Variants in RRAS2 observed in about 807,000 individuals in gnomAD.
RRAS2 encodes the protein RAS related 2, also known as ras-related protein R-Ras2.
In RRAS2, 7 loss-of-function variants were observed where a neutral mutation model predicts 27.6. That is an observed-to-expected ratio of 0.25 (90% CI 0.14 to 0.48). The LOEUF is 0.48. Among genes scored for constraint, RRAS2 ranks in the 20% least tolerant of loss-of-function variants. The pLI is 0.99. For synonymous variants in RRAS2, 86 were observed against 90.9 expected, an observed-to-expected ratio of 0.95 and a Z score of 0.31; for missense variants, 178 against 256.2, an observed-to-expected ratio of 0.69 and a Z score of 2.08.
intron 1 of RRAS2, among the ~76,000 whole-genome samples, chr11:14,352,641 T>C (rs1848979920): frequency 8.9e-6 from 1 of 112,756 alleles, no homozygotes; most frequent in Admixed American, 1.1e-4. Flanking sequence ...ATTAATATCC[T>C]AAAGACCATT....
At chr11:14,304,990 T>C (rs1169448796) in intron 1 of RRAS2, among the ~76,000 whole-genome samples, 1 of 152,208 alleles carries the variant, frequency 6.6e-6, no homozygotes, top group East Asian at 1.9e-4. Context: ...CAATTATATA[T>C]GTCTATAATT....
At chr11:14,325,501 T>G (rs1366530031) in intron 1 of RRAS2, among the ~76,000 whole-genome samples, 2 of 152,102 alleles carry the variant, frequency 1.3e-5, no homozygotes, top group South Asian at 2.1e-4. Flanking sequence ...GGGTTTCACC[T>G]TGTTAGCCAG....
chr11:14,290,763 G>A (rs1849790005), intron 4 of RRAS2, among the ~76,000 whole-genome samples: 1 of 152,190 alleles, frequency 6.6e-6, no homozygotes. Flanking sequence ...AATGCCTGAT[G>A]TCTGTAGAAT....
chr11:14,356,732 T>C (rs782160263), intron 1 of RRAS2: 32 of 453,488 alleles, frequency 7.1e-5, no homozygotes, highest in Middle Eastern at 3.3e-4. Context: ...CCAGGTACTA[T>C]ACTATTCACA....
At chr11:14,335,930 T>C (rs1337108535) in intron 1 of RRAS2, among the ~76,000 whole-genome samples, 1 of 152,120 alleles carries the variant, frequency 6.6e-6, no homozygotes, top group Non-Finnish European at 1.5e-5. Context: ...TGACAGCTGC[T>C]CTACTCCCAA....
chr11:14,334,296 T>C (rs1848546285), intron 1 of RRAS2, among the ~76,000 whole-genome samples: 1 of 152,212 alleles, frequency 6.6e-6, no homozygotes, highest in South Asian at 2.1e-4. Context: ...CTGGTTTTTT[T>C]TTCCTATTCA....
intron 1 of RRAS2, among the ~76,000 whole-genome samples, chr11:14,352,102 C>T (rs769705281): frequency 3.9e-5 from 6 of 152,072 alleles, no homozygotes; most frequent in Non-Finnish European, 7.4e-5. Flanking sequence ...CATCGGATGT[C>T]TTTTTAACAC....
intron 1 of RRAS2, chr11:14,356,837 T>C (rs2134045750): frequency 2.3e-6 from 1 of 427,510 alleles, no homozygotes; most frequent in East Asian, 7.1e-5. Flanking sequence ...AGTCTCGCTC[T>C]GTTGCCCAGG....
intron 4 of RRAS2, among the ~76,000 whole-genome samples, chr11:14,287,196 G>T (rs1342920949): frequency 6.6e-6 from 1 of 152,112 alleles, no homozygotes; most frequent in Non-Finnish European, 1.5e-5. Flanking sequence ...TTTTCGTTGT[G>T]TTTTCTTATT....
At chr11:14,291,963 A>G (rs1554945848) in intron 4 of RRAS2, among the ~76,000 whole-genome samples, 1 of 152,204 alleles carries the variant, frequency 6.6e-6, no homozygotes, top group East Asian at 1.9e-4. Flanking sequence ...CTTTTTATAT[A>G]CACTTTACAC....
At chr11:14,344,479 AAATTT>A (rs1321572031) in intron 1 of RRAS2, among the ~76,000 whole-genome samples, 1 of 152,232 alleles carries the variant, frequency 6.6e-6, no homozygotes, top group African/African-American at 2.4e-5. Flanking sequence ...ACAAAATTAC[AAATTT>A]AATAGCCACA....
At chr11:14,311,489 C>A (rs1371816456) in intron 1 of RRAS2, among the ~76,000 whole-genome samples, 1 of 151,742 alleles carries the variant, frequency 6.6e-6, no homozygotes, top group Non-Finnish European at 1.5e-5. Flanking sequence ...GCCTCAGCCT[C>A]CCAAGTAGCT....
intron 1 of RRAS2, among the ~76,000 whole-genome samples, chr11:14,324,175 T>C (rs2134000842): frequency 6.6e-6 from 1 of 152,022 alleles, no homozygotes; most frequent in Admixed American, 6.5e-5. Flanking sequence ...GGAAACAATA[T>C]ACATAATAAT....
chr11:14,336,029 C>T (rs1352867102), intron 1 of RRAS2, among the ~76,000 whole-genome samples: 1 of 152,214 alleles, frequency 6.6e-6, no homozygotes, highest in African/African-American at 2.4e-5. Flanking sequence ...TAAAGGGGCA[C>T]CCCAACACCC....
intron 1 of RRAS2, among the ~76,000 whole-genome samples, chr11:14,352,992 T>C (rs1591491836): frequency 6.6e-6 from 1 of 151,646 alleles, no homozygotes; most frequent in Non-Finnish European, 1.5e-5. Context: ...AGAGACAGGG[T>C]TTCACCATGT....
rs1849125581 is a variant in RRAS2 at position 14,358,316 on chromosome 11, C to T, written c.108+447G>A. ...GAAGCCCGGAGACCACGCGGAGCCG[C>T]GGCCAAGTTGCCACCGCTATCGCCC... On this transcript the variant is annotated intron_variant, in intron 1 of 5. Coordinates refer to ENST00000256196, the MANE Select transcript of RRAS2 (RefSeq NM_012250.6). This position sits in a 1 kb window ranked among gnomAD's most constrained non-coding sequence, Gnocchi z 5.1. 2.0e-6 allele frequency: 2 copies of T among 985,384 alleles called. No homozygotes were observed. The highest frequency in any genetic ancestry group is 2.4e-6 in the Non-Finnish European group (2 of 830,004). The allele number at this position is 985,384 out of a possible 1,614,324, so 61.0% of individuals were successfully genotyped here. A position where few individuals can be genotyped will look rare whatever the true frequency, so the allele number is the denominator to read the frequency against.
chr11:14,282,338 T>C (rs1019053520), intron 4 of RRAS2, among the ~76,000 whole-genome samples: 1 of 152,146 alleles, frequency 6.6e-6, no homozygotes, highest in African/African-American at 2.4e-5. Context: ...GTGACACTCA[T>C]CAATATGTGG....
chr11:14,336,164 C>T (rs181588610), intron 1 of RRAS2, among the ~76,000 whole-genome samples: 2 of 152,284 alleles, frequency 1.3e-5, no homozygotes, highest in Admixed American at 6.5e-5. Flanking sequence ...TAATAAAGAG[C>T]GTCCCCACAT....
chr11:14,334,295 T>C (rs1307270281), intron 1 of RRAS2, among the ~76,000 whole-genome samples: 7 of 152,198 alleles, frequency 4.6e-5, no homozygotes, highest in Non-Finnish European at 7.3e-5. Flanking sequence ...CCTGGTTTTT[T>C]TTTCCTATTC....
Sources: gnomAD v4.1 joint callset for allele counts (sites outside exome capture counted in the v4.1 genomes callset) on GRCh38, gnomAD v4.1.1 for gene constraint, Gnocchi (gnomAD v3.1) non-coding constraint, MANE v1.5 for transcripts, NCBI Gene and HGNC (gene_info 2026-07-23, HGNC 2026-07-21) for gene names.